Variants in SLX9 observed in about 807,000 individuals in gnomAD.
SLX9 encodes the protein SLX9 ribosome biogenesis factor, also known as ribosome biogenesis protein SLX9 homolog.
A neutral mutation model predicts 20.8 loss-of-function variants in SLX9; 19 were observed. The observed-to-expected ratio is 0.91, with a 90% CI of 0.64 to 1.34. SLX9 has a LOEUF of 1.34. SLX9 is among the 40% of genes most tolerant of loss of function. SLX9 has a pLI of 0.00. For synonymous variants in SLX9, 113 were observed against 137.1 expected, an observed-to-expected ratio of 0.82 and a Z score of 1.23; for missense variants, 299 against 322.2, an observed-to-expected ratio of 0.93 and a Z score of 0.55.
At chr21:44,941,489 C>T (rs1368121140) in intron 1 of SLX9, among the ~76,000 whole-genome samples, 1 of 151,880 alleles carries the variant, frequency 6.6e-6, no homozygotes, top group Non-Finnish European at 1.5e-5. Flanking sequence ...CTCTTTTAGC[C>T]TGGCTAGTTG....
chr21:44,957,261 A>G (rs2146643314), intron 2 of SLX9, among the ~76,000 whole-genome samples: 1 of 152,178 alleles, frequency 6.6e-6, no homozygotes, highest in East Asian at 1.9e-4. Flanking sequence ...TCCAGAGTCA[A>G]GGGTTAGAGG....
At chr21:44,976,117 C>G (rs2085256828) in intron 5 of SLX9, among the ~76,000 whole-genome samples, 1 of 152,238 alleles carries the variant, frequency 6.6e-6, no homozygotes, top group African/African-American at 2.4e-5. Flanking sequence ...CACAGGGCAG[C>G]TCTCTGGCGT....
intron 5 of SLX9, 76 bp downstream of exon 5, chr21:44,973,341 A>G (rs2085195310): frequency 1.4e-6 from 2 of 1,384,354 alleles, no homozygotes. Flanking sequence ...CCAGGGGTTC[A>G]GCTCCTATGT....
intron 2 of SLX9, among the ~76,000 whole-genome samples, chr21:44,947,617 GT>G (rs957167957): frequency 2.8e-5 from 4 of 144,492 alleles, no homozygotes; most frequent in African/African-American, 9.9e-5. Context: ...TCGTTCCTAT[GT>G]TTTTTTTCAA....
intron 2 of SLX9, among the ~76,000 whole-genome samples, chr21:44,955,866 C>T (rs2084848344): frequency 6.6e-6 from 1 of 152,208 alleles, no homozygotes; most frequent in South Asian, 2.1e-4. Flanking sequence ...AGTGGAGTTG[C>T]TGATCCAGTC....
chr21:44,973,034 C>T, intron 4 of SLX9, 163 bp from the exon 5 acceptor site: 2 of 196,200 alleles, frequency 1.0e-5, no homozygotes, highest in Non-Finnish European at 7.4e-6. Flanking sequence ...CAGGTCTCGC[C>T]TCCATGGCCA....
intron 2 of SLX9, among the ~76,000 whole-genome samples, chr21:44,957,062 G>T (rs1446682754): frequency 6.6e-6 from 1 of 152,232 alleles, no homozygotes; most frequent in African/African-American, 2.4e-5. Flanking sequence ...TTTCTTGTCA[G>T]GGTTTTTAGG....
chr21:44,959,319 G>A (rs1002647728), intron 2 of SLX9: 38 of 955,382 alleles, frequency 4.0e-5, no homozygotes, highest in South Asian at 2.4e-4. Flanking sequence ...AGGCTGAACC[G>A]TCTCGGGAAA....
intron 2 of SLX9, among the ~76,000 whole-genome samples, chr21:44,951,477 C>T (rs1049962165): frequency 1.3e-5 from 2 of 152,112 alleles, no homozygotes; most frequent in South Asian, 2.1e-4. Flanking sequence ...GGCGAACGGC[C>T]GCGTCTTTGC....
At chr21:44,965,875 C>T (rs939500370) in intron 3 of SLX9, among the ~76,000 whole-genome samples, 1 of 152,132 alleles carries the variant, frequency 6.6e-6, no homozygotes, top group African/African-American at 2.4e-5. Context: ...TTCCAGGGTG[C>T]CCTGGCTCTC....
intron 2 of SLX9, among the ~76,000 whole-genome samples, chr21:44,954,703 T>C (rs2084823159): frequency 6.6e-6 from 1 of 152,116 alleles, no homozygotes; most frequent in Admixed American, 6.5e-5. Context: ...CAGGCGCTCT[T>C]GGCTGTGACT....
intron 2 of SLX9, among the ~76,000 whole-genome samples, chr21:44,947,822 A>G (rs2084671550): frequency 6.6e-6 from 1 of 152,050 alleles, no homozygotes; most frequent in Non-Finnish European, 1.5e-5. Context: ...CCAGCTCTCT[A>G]AGACCCCCTG....
intron 3 of SLX9, 25 bp from the exon 4 acceptor site, chr21:44,967,009 T>G: frequency 1.3e-6 from 2 of 1,594,644 alleles, no homozygotes; most frequent in East Asian, 4.5e-5. Flanking sequence ...CTTGTTTGCC[T>G]CTAACGTCGT....
chr21:44,964,590 G>A (rs1306000012), intron 3 of SLX9, among the ~76,000 whole-genome samples: 3 of 152,280 alleles, frequency 2.0e-5, no homozygotes, highest in Admixed American at 6.5e-5. Context: ...CAGCCGTGCC[G>A]TGGACAGTGG....
chr21:44,952,378 T>TGTCA (rs1280643664), intron 2 of SLX9, among the ~76,000 whole-genome samples: 1 of 152,280 alleles, frequency 6.6e-6, no homozygotes, highest in African/African-American at 2.4e-5. Context: ...AGCTGTCTGC[T>TGTCA]GTCAGGGCTG....
At chr21:44,949,357 G>A (rs756931118) in intron 2 of SLX9, among the ~76,000 whole-genome samples, 2 of 152,036 alleles carry the variant, frequency 1.3e-5, no homozygotes, top group African/African-American at 4.8e-5. Flanking sequence ...CAGTCACACC[G>A]ATGTGGGGTG....
At chr21:44,971,757 CAGTG>C (rs1488055532) in intron 4 of SLX9, among the ~76,000 whole-genome samples, 8 of 152,240 alleles carry the variant, frequency 5.3e-5, no homozygotes, top group East Asian at 1.9e-4. Flanking sequence ...TCTGGGCAGT[CAGTG>C]AGGGAGCTGC....
At position 44,959,168 on chromosome 21, in the gene SLX9, G is replaced by A. The variant is rs932272408; in HGVS notation, c.284-932G>A. ...CCTGAAGTGAAGTCTGAAATGCAGA[G>A]CGCAGCGACTGCCTTTCTCCAGGCA... On this transcript the variant is annotated intron_variant, in intron 2 of 5. Transcript: ENST00000291634. 8 of 978,692 alleles carry A rather than the reference G, an allele frequency of 8.2e-6. No homozygotes were observed. The East Asian group carries it at 4.6e-4, about 56-fold the overall frequency. The allele number at this position is 978,692 out of a possible 1,614,324, so 60.6% of individuals were successfully genotyped here.
intron 2 of SLX9, among the ~76,000 whole-genome samples, chr21:44,946,426 C>T (rs1215538702): frequency 1.3e-5 from 2 of 150,186 alleles, no homozygotes; most frequent in African/African-American, 5.1e-5. Flanking sequence ...TTGAGGGGCA[C>T]GAGGATGGGA....
Sources: allele counts gnomAD v4.1 joint callset (sites outside exome capture counted in the v4.1 genomes callset), GRCh38; gene constraint gnomAD v4.1.1; transcripts MANE v1.5; gene names NCBI Gene and HGNC (gene_info 2026-07-23, HGNC 2026-07-21).